Variants in ALOX5 observed in about 807,000 individuals in gnomAD.
ALOX5 encodes polyunsaturated fatty acid 5-lipoxygenase.
A neutral mutation model predicts 87.9 loss-of-function variants in ALOX5; 64 were observed. The observed-to-expected ratio is 0.73, with a 90% confidence interval of 0.60 to 0.90. The LOEUF is 0.90. Among genes scored for constraint, ALOX5 ranks in the 40% least tolerant of loss-of-function variants. ALOX5 has a pLI of 0.00. For missense variants in ALOX5, 822 were observed against 907.5 expected, an observed-to-expected ratio of 0.91 and a Z score of 1.21; for synonymous variants, 388 against 355.1, an observed-to-expected ratio of 1.09 and a Z score of -1.04.
chr10:45,384,539 C>T (rs1839948737), intron 2 of ALOX5, among the ~76,000 whole-genome samples: 1 of 152,170 alleles, frequency 6.6e-6, no homozygotes, highest in African/African-American at 2.4e-5. Flanking sequence ...CCTCTAGGCT[C>T]CTTGGCCTCT....
At chr10:45,409,691 G>C (rs909226449) in intron 3 of ALOX5, among the ~76,000 whole-genome samples, 17 of 150,782 alleles carry the variant, frequency 1.1e-4, no homozygotes, top group African/African-American at 4.2e-4. Flanking sequence ...CTTCTGCCTG[G>C]GTGTTCCACT....
At chr10:45,434,181 T>C (rs1047067821) in intron 7 of ALOX5, among the ~76,000 whole-genome samples, 1 of 152,194 alleles carries the variant, frequency 6.6e-6, no homozygotes, top group Non-Finnish European at 1.5e-5. Context: ...CCCGTCTCAA[T>C]TGGAGGAGCA....
chr10:45,387,442 G>T (rs1036603048), intron 2 of ALOX5, among the ~76,000 whole-genome samples: 1 of 152,202 alleles, frequency 6.6e-6, no homozygotes, highest in Admixed American at 6.5e-5. Context: ...TTTCAGAGAA[G>T]AGGAGTAAAC....
In ALOX5 at chr10:45,444,274, C is replaced by T. The variant is rs1842359697; in HGVS notation, c.1833C>T (p.Phe611=). ...HLGAVWALSQ[F]QENELFLGMY... ...GTGCAGTGTGGGCGCTGAGCCAGTT[C>T]CAGGAAAACGAGGTGAAGCTGGGCA... Residue 611 remains phenylalanine (F), a synonymous_variant, in exon 13 of 14, where the codon TTC becomes TTT. Coordinates refer to ENST00000374391, the MANE Select transcript of ALOX5 (RefSeq NM_000698.5). 5 of 1,553,784 alleles carry T rather than the reference C, an allele frequency of 3.2e-6. No individual in the cohort carries two copies. Among genetic ancestry groups the T allele is most frequent in the African/African-American group, 2.7e-5 (2 of 73,628 alleles).
intron 4 of ALOX5, among the ~76,000 whole-genome samples, chr10:45,415,065 C>G (rs949777947): frequency 3.3e-5 from 5 of 152,206 alleles, no homozygotes; most frequent in African/African-American, 1.2e-4. Context: ...TACCATTTGA[C>G]CCAGCCATCC....
chr10:45,423,949 G>A, intron 4 of ALOX5, 92 bp from the exon 5 acceptor site: 1 of 995,438 alleles, frequency 1.0e-6, no homozygotes. Flanking sequence ...GGGGGCGGGG[G>A]TTGTGAGGAC....
chr10:45,443,914 C>T (rs1045953061), intron 12 of ALOX5, 86 bp downstream of exon 12: 2 of 1,479,390 alleles, frequency 1.4e-6, no homozygotes, highest in South Asian at 2.4e-5. Context: ...GCGTACTGCA[C>T]CCTCGGACAG....
intron 6 of ALOX5, among the ~76,000 whole-genome samples, chr10:45,427,376 A>C (rs1156348213): frequency 6.6e-6 from 1 of 152,182 alleles, no homozygotes; most frequent in Non-Finnish European, 1.5e-5. Flanking sequence ...AGGTGCCCTG[A>C]GTGCCTCCGC....
intron 2 of ALOX5, among the ~76,000 whole-genome samples, chr10:45,392,974 C>A (rs1428436711): frequency 4.6e-5 from 7 of 152,134 alleles, no homozygotes; most frequent in African/African-American, 1.4e-4. Context: ...GCCTACCAAC[C>A]CAGAAAAGTT....
At chr10:45,422,305 T>C (rs1841531751) in intron 4 of ALOX5, among the ~76,000 whole-genome samples, 1 of 152,106 alleles carries the variant, frequency 6.6e-6, no homozygotes, top group Admixed American at 6.5e-5. Flanking sequence ...TTCTGCTGGA[T>C]CAGGAGGATG....
intron 1 of ALOX5, among the ~76,000 whole-genome samples, chr10:45,375,836 G>A (rs1366543076): frequency 2.6e-5 from 4 of 152,178 alleles, no homozygotes; most frequent in African/African-American, 4.8e-5. Flanking sequence ...TGCCCCAGTC[G>A]GGGAACTGAC....
intron 3 of ALOX5, among the ~76,000 whole-genome samples, chr10:45,401,790 G>C (rs150829171): frequency 4.1e-4 from 63 of 152,246 alleles, no homozygotes; most frequent in Non-Finnish European, 7.6e-4. Flanking sequence ...TTACCAAATA[G>C]TAAAAGTTAT....
intron 4 of ALOX5, among the ~76,000 whole-genome samples, chr10:45,419,552 C>G (rs1841428214): frequency 6.6e-6 from 1 of 152,342 alleles, no homozygotes; most frequent in South Asian, 2.1e-4. Context: ...CTCCAGACGA[C>G]CCAGCTACAT....
In ALOX5 at chr10:45,395,898, C is replaced by A; in HGVS notation, c.393C>A (p.His131Gln). 6.2e-7 allele frequency: 1 copy of A among 1,614,220 alleles called. No individual in the cohort carries two copies. Among genetic ancestry groups the A allele is most frequent in the Non-Finnish European group, 8.5e-7 (1 of 1,180,032 alleles). Reference sequence around the variant, plus strand: ...ACCAAATTCACATTCTCAAGCAACACCGACGTAAAGAACTGGAAACACGGC... The same window carrying A: ...ACCAAATTCACATTCTCAAGCAACAACGACGTAAAGAACTGGAAACACGGC... The part of the protein sequence containing the change: ...RDDQIHILKQ[H>Q]RRKELETRQK... The change falls in exon 3 of 14, where the codon CAC (histidine) becomes CAA (glutamine). Residue 131 changes from histidine to glutamine, a missense_variant. Physicochemically the swap from His to Gln is conservative, Grantham distance 24 (BLOSUM62 0). Coordinates refer to ENST00000374391, the MANE Select transcript of ALOX5 (RefSeq NM_000698.5).
At chr10:45,377,628 G>C (rs1839669158) in intron 1 of ALOX5, among the ~76,000 whole-genome samples, 1 of 151,770 alleles carries the variant, frequency 6.6e-6, no homozygotes, top group Non-Finnish European at 1.5e-5. Context: ...CTCATCCCGA[G>C]TCTCTGTTTT....
At chr10:45,412,585 C>T (rs976744533) in intron 4 of ALOX5, among the ~76,000 whole-genome samples, 5 of 152,206 alleles carry the variant, frequency 3.3e-5, no homozygotes, top group Non-Finnish European at 7.3e-5. Context: ...GGAATGCCTC[C>T]TCCCCATCCA....
intron 1 of ALOX5, among the ~76,000 whole-genome samples, chr10:45,380,275 CAT>C (rs1455586690): frequency 6.6e-6 from 1 of 152,268 alleles, no homozygotes; most frequent in Admixed American, 6.5e-5. Context: ...GGACCCAAGA[CAT>C]GTCATCCCAC....
intron 4 of ALOX5, among the ~76,000 whole-genome samples, chr10:45,418,615 C>G (rs750180298): frequency 6.6e-6 from 1 of 152,066 alleles, no homozygotes; most frequent in Non-Finnish European, 1.5e-5. Context: ...GCTTTGCAGC[C>G]GGGGGCCATC....
intron 6 of ALOX5, chr10:45,428,296 T>C: frequency 2.4e-6 from 1 of 410,592 alleles, no homozygotes; most frequent in Non-Finnish European, 4.4e-6. Context: ...GTCACATCTA[T>C]TTCACCTAAC....
Sources: gnomAD v4.1 joint callset for allele counts (sites outside exome capture counted in the v4.1 genomes callset) on GRCh38, gnomAD v4.1.1 for gene constraint, MANE v1.5 for transcripts, NCBI Gene and HGNC (gene_info 2026-07-23, HGNC 2026-07-21) for gene names.